CEP350: variants seen among roughly 807,000 people sequenced by gnomAD.
The protein encoded by CEP350 is centrosome-associated protein 350.
In CEP350, 126 loss-of-function variants were observed where a neutral mutation model predicts 331.8. The ratio of observed to expected loss-of-function variants is 0.38; its 90% CI spans 0.33 to 0.44. CEP350 has a LOEUF of 0.44. Among genes scored for constraint, CEP350 ranks in the 20% least tolerant of loss-of-function variants. CEP350 has a pLI of 1.00. For synonymous variants in CEP350, 1,200 were observed against 1,259.5 expected (o/e 0.95, Z 1.00); for missense variants, 3,406 against 3,634.6 (o/e 0.94, Z 1.62).
In CEP350 at chr1:180,071,019, G is replaced by A. The variant is rs1020305599; in HGVS notation, c.5568-4003G>A. On this transcript the variant is annotated intron_variant, in intron 27 of 37. Coordinates refer to ENST00000367607, the MANE Select transcript of CEP350 (RefSeq NM_014810.5). ...AAAAATTAGCTGGGCATGGCGGCGC[G>A]TGCCTGTAATCCCAGCTACTTGGGA... Among the ~76,000 whole-genome samples, 8 of 151,566 alleles carry A rather than the reference G, an allele frequency of 5.3e-5. No homozygotes were observed. The South Asian group carries it at 6.3e-4, about 12-fold the overall frequency.
chr1:180,032,060 T>C (rs1656058906), intron 15 of CEP350, among the ~76,000 whole-genome samples: 1 of 152,138 alleles, frequency 6.6e-6, no homozygotes, highest in Non-Finnish European at 1.5e-5. Flanking sequence ...GAAATCTCAC[T>C]CTTACTGATT....
chr1:180,038,020 C>T (rs146463683), intron 17 of CEP350, among the ~76,000 whole-genome samples: 1 of 152,260 alleles, frequency 6.6e-6, no homozygotes, highest in Non-Finnish European at 1.5e-5. Context: ...AGAACCCTTA[C>T]ATTGTTACCC....
intron 14 of CEP350, among the ~76,000 whole-genome samples, chr1:180,026,228 G>A (rs915103832): frequency 6.6e-6 from 1 of 150,714 alleles, no homozygotes; most frequent in African/African-American, 2.4e-5. Flanking sequence ...CCGAGACTGC[G>A]CCATTGCACT....
chr1:179,989,082 G>C (rs1652857063), intron 3 of CEP350, among the ~76,000 whole-genome samples: 1 of 152,058 alleles, frequency 6.6e-6, no homozygotes, highest in Non-Finnish European at 1.5e-5. Flanking sequence ...AGGAATATAA[G>C]TAGGGGAGAC....
intron 6 of CEP350, among the ~76,000 whole-genome samples, chr1:179,997,699 A>T (rs939882808): frequency 1.3e-5 from 2 of 152,220 alleles, no homozygotes; most frequent in African/African-American, 4.8e-5. Flanking sequence ...GAACCACTAT[A>T]TGAACATTTA....
chr1:180,016,000 G>A (rs898907923), intron 11 of CEP350, 30 bp downstream of exon 11: 11 of 1,609,572 alleles, frequency 6.8e-6, no homozygotes, highest in Non-Finnish European at 8.5e-6. Flanking sequence ...AGATGATTAA[G>A]ATTCTTTTCA....
At chr1:179,967,547 G>A (rs944027055) in intron 1 of CEP350, among the ~76,000 whole-genome samples, 2 of 152,062 alleles carry the variant, frequency 1.3e-5, no homozygotes, top group African/African-American at 2.4e-5. Context: ...AAGTAGCTGG[G>A]ATTACAGACA....
intron 1 of CEP350, chr1:179,969,572 G>A: frequency 3.1e-6 from 1 of 327,780 alleles, no homozygotes; most frequent in Non-Finnish European, 6.0e-6. Context: ...ATAAGCAGCA[G>A]TTTCTAAAAA....
Position 180,096,161 on chromosome 1 carries a change from C to T in CEP350, c.9043C>T (p.Pro3015Ser), listed in dbSNP as rs1436258694. ...NSSYFRRVKN[P>S]NNLDEIKSFI... ...TAGTTATTTCCGACGAGTGAAAAAT[C>T]CAAATAACCTTGATGAAATCAAGGT... Residue 3015 changes from proline (P) to serine (S), a missense_variant, in exon 36 of 38, where the codon CCA (proline) becomes TCA (serine). By Grantham distance (74) the Pro-to-Ser change is moderately conservative. This residue lies in a region of CEP350 where 1,415 missense variants were observed against 1,512.3 expected (regional missense o/e 0.94). Transcript: ENST00000367607. 7 of 1,568,050 alleles carry T rather than the reference C, an allele frequency of 4.5e-6. No homozygotes were observed. The highest frequency in any genetic ancestry group is 6.1e-6 in the Non-Finnish European group (7 of 1,154,914).
At chr1:180,052,298 CA>C (rs1657559638) in intron 22 of CEP350, 1 of 448,846 alleles carries the variant, frequency 2.2e-6, no homozygotes, top group Admixed American at 2.4e-5. Context: ...CTTGGCATCC[CA>C]AAATGCTGGA....
chr1:180,075,238 C>A lies in CEP350; in HGVS notation c.5767+17C>A. On this transcript the variant is annotated intron_variant, in intron 28 of 37. Coordinates refer to ENST00000367607, the MANE Select transcript of CEP350 (RefSeq NM_014810.5). ...AACAGAAAGGTAATAAATACTAACT[C>A]TGTTCACACTACAAACTAAAGCCTA... 5.1e-6 allele frequency: 8 copies of A among 1,576,948 alleles called. No homozygotes were observed. The highest frequency in any genetic ancestry group is 2.3e-5 in the South Asian group (2 of 86,492).
At chr1:180,072,943 A>G (rs1571957588) in intron 27 of CEP350, among the ~76,000 whole-genome samples, 1 of 152,140 alleles carries the variant, frequency 6.6e-6, no homozygotes, top group Admixed American at 6.5e-5. Flanking sequence ...CAAAGGTACT[A>G]CTAGACTTTT....
chr1:179,988,671 C>T (rs1031330262), intron 3 of CEP350, among the ~76,000 whole-genome samples: 1 of 145,054 alleles, frequency 6.9e-6, no homozygotes, highest in African/African-American at 2.5e-5. Flanking sequence ...AAGGGAAACC[C>T]TTTTTTTTTT....
rs1430519078 is a variant in CEP350 at position 179,992,071 on chromosome 1, A to G, written c.245A>G (p.Tyr82Cys). The change falls in exon 5 of 38, where the codon TAC becomes TGC. Residue 82 changes from tyrosine to cysteine, a missense_variant. Around this residue, in one of 5 missense-constraint regions of CEP350, gnomAD observed 1,857 missense variants for 1,909.2 expected, o/e 0.97. Coordinates refer to ENST00000367607, the MANE Select transcript of CEP350 (RefSeq NM_014810.5). Reference sequence around the variant, plus strand: ...TTTCCTTTTCCTTCAGATGGTAGATACCTGGATGATTCTTGGGTTAATGCT... The same window carrying G: ...TTTCCTTTTCCTTCAGATGGTAGATGCCTGGATGATTCTTGGGTTAATGCT... The part of the protein sequence containing the change: ...TRKISRKDGR[Y>C]LDDSWVNAPI... The G allele has an allele frequency of 6.5e-7, 1 of 1,538,394 alleles. No homozygotes were observed. The highest frequency in any genetic ancestry group is 2.5e-5 in the East Asian group (1 of 40,526).
intron 5 of CEP350, among the ~76,000 whole-genome samples, chr1:179,992,713 G>A (rs1173626582): frequency 3.3e-5 from 5 of 151,996 alleles, no homozygotes; most frequent in South Asian, 4.1e-4. Flanking sequence ...CAACTTAGAT[G>A]TTCAAGATTG....
chr1:180,094,476 G>T lies in CEP350; in HGVS notation c.8371G>T (p.Asp2791Tyr). 6.2e-7 allele frequency: 1 copy of T among 1,613,846 alleles called. No individual in the cohort carries two copies. Among genetic ancestry groups the T allele is most frequent in the Non-Finnish European group, 8.5e-7 (1 of 1,179,816 alleles). ...GCTTAGCAATCAGGAGCTTCTTGGT[G>T]ATGACCAAAAGAAAGTAACACCCCA... ...IQLSNQELLGDDQKKVTPQDL... is the reference protein window; with the variant it reads ...IQLSNQELLGYDQKKVTPQDL... The change falls in exon 34 of 38, where the codon GAT (aspartate) becomes TAT (tyrosine). Residue 2791 changes from aspartate (D) to tyrosine (Y), a missense_variant. Transcript: ENST00000367607.
At chr1:180,025,856 A>G (rs929317532) in intron 14 of CEP350, among the ~76,000 whole-genome samples, 3 of 152,144 alleles carry the variant, frequency 2.0e-5, no homozygotes, top group Non-Finnish European at 4.4e-5. Flanking sequence ...CATGGCGCAT[A>G]TATACCTCTG....
chr1:180,004,875 C>CTTGCTTGCTTGCTTGCTTGCTTGA (rs1654111853), intron 7 of CEP350, among the ~76,000 whole-genome samples: 1 of 92,604 alleles, frequency 1.1e-5, no homozygotes, highest in African/African-American at 4.1e-5. Flanking sequence ...GGCTGGCTGG[C>CTTGCTTGCTTGCTTGCTTGCTTGA]TTGCTTGCTT....
At chr1:179,964,358 A>G (rs569986906) in intron 1 of CEP350, among the ~76,000 whole-genome samples, 37 of 152,148 alleles carry the variant, frequency 2.4e-4, no homozygotes, top group African/African-American at 8.7e-4. Flanking sequence ...GTAAGAGTGC[A>G]CATCCTTGTC....
Sources: allele counts gnomAD v4.1 joint callset (sites outside exome capture counted in the v4.1 genomes callset), GRCh38; gene constraint gnomAD v4.1.1; regional missense constraint gnomAD v4.1.1; transcripts MANE v1.5; gene names NCBI Gene and HGNC (gene_info 2026-07-23, HGNC 2026-07-21).